Variants in FBXL2 observed in about 807,000 individuals in gnomAD.
The protein encoded by FBXL2 is F-box/LRR-repeat protein 2.
FBXL2 carries 38 observed loss-of-function variants against 69.2 expected under a neutral mutation model. The observed-to-expected ratio is 0.55, with a 90% CI of 0.42 to 0.72. The LOEUF (loss-of-function observed/expected upper bound fraction) is 0.72. Ranked by LOEUF, FBXL2 falls within the 30% of genes least tolerant of loss-of-function variation. FBXL2 has a pLI of 0.00. For synonymous variants in FBXL2, 192 were observed against 201.3 expected (o/e 0.95, Z 0.39); for missense variants, 354 against 520.3 (o/e 0.68, Z 3.11).
intron 9 of FBXL2, among the ~76,000 whole-genome samples, 165 bp downstream of exon 9, chr3:33,374,086 G>GAAC (rs201282119): frequency 3.3e-5 from 5 of 152,010 alleles, no homozygotes; most frequent in Middle Eastern, 3.2e-3. Flanking sequence ...TCACAAGCTG[G>GAAC]AACAACAACA....
At chr3:33,404,813 T>C (rs555894013), downstream of FBXL2, among the ~76,000 whole-genome samples, 3 of 152,294 alleles carry the variant, frequency 2.0e-5, no homozygotes, top group South Asian at 6.2e-4. Context: ...CCTGGGATTT[T>C]TGACAGATGA....
intron 12 of FBXL2, chr3:33,396,216 C>T: frequency 1.3e-6 from 2 of 1,595,322 alleles, no homozygotes; most frequent in Non-Finnish European, 1.7e-6. Context: ...TGCTGCTGCC[C>T]TTGCAGCACT....
chr3:33,285,222 G>A (rs1575589072), intron 1 of FBXL2, among the ~76,000 whole-genome samples: 2 of 152,200 alleles, frequency 1.3e-5, no homozygotes, highest in African/African-American at 2.4e-5. Context: ...AGGAGCTCTT[G>A]TAAGGCAGGC....
chr3:33,412,956 G>T, the FBXL2 span: 2 of 564,380 alleles, frequency 3.5e-6, no homozygotes, highest in Non-Finnish European at 6.4e-6. Flanking sequence ...TAAACATTCT[G>T]TAAGTGAACT....
chr3:33,300,191 A>C (rs1188460330), intron 2 of FBXL2, among the ~76,000 whole-genome samples: 1 of 152,080 alleles, frequency 6.6e-6, no homozygotes, highest in African/African-American at 2.4e-5. Flanking sequence ...CTACTAACTG[A>C]ATGGTTTTTT....
chr3:33,340,958 G>C (rs973209517), intron 2 of FBXL2, among the ~76,000 whole-genome samples: 2 of 149,190 alleles, frequency 1.3e-5, no homozygotes, highest in Admixed American at 6.7e-5. Context: ...TATGCAAACT[G>C]TACTAGTAAG....
intron 12 of FBXL2, among the ~76,000 whole-genome samples, chr3:33,401,847 G>A (rs751594190): frequency 1.3e-5 from 2 of 152,062 alleles, no homozygotes; most frequent in Non-Finnish European, 2.9e-5. Flanking sequence ...TATTCAGACC[G>A]GACTGACTGA....
Position 33,385,670 on chromosome 3 carries a change from C to G in FBXL2, c.*62C>G. The G allele has an allele frequency of 7.7e-7, 1 of 1,302,518 alleles. No homozygotes were observed. Among genetic ancestry groups the G allele is most frequent in the Non-Finnish European group, 1.1e-6 (1 of 899,518 alleles). 80.7% of individuals were successfully genotyped at this position (1,302,518 alleles called of 1,614,324 possible). On this transcript the variant is annotated 3_prime_UTR_variant, in exon 15 of 15. Transcript: ENST00000484457. ...CTTTCCTCTAGAAGACCTGAGTCTT[C>G]CTGACCGACTCCACCATCACCCAAT...
At chr3:33,335,116 T>TAAG (rs1263984384) in intron 2 of FBXL2, among the ~76,000 whole-genome samples, 98 of 144,268 alleles carry the variant, frequency 6.8e-4, no homozygotes, top group African/African-American at 2.1e-3. Flanking sequence ...ATAATAATAA[T>TAAG]AATAAGAAGA....
chr3:33,408,823 C>A, the FBXL2 span: 1 of 1,585,612 alleles, frequency 6.3e-7, no homozygotes. Context: ...AGATTGGGAT[C>A]AATGTCTTTT....
chr3:33,369,056 A>AT (rs200087201), intron 5 of FBXL2, among the ~76,000 whole-genome samples: 12,428 of 142,008 alleles, frequency 0.088, 553 homozygotes, highest in South Asian at 0.12. Flanking sequence ...CTTCTTTTAG[A>AT]TTTTTTTTTT....
At chr3:33,285,453 T>C (rs1445422244) in intron 1 of FBXL2, among the ~76,000 whole-genome samples, 1 of 152,214 alleles carries the variant, frequency 6.6e-6, no homozygotes, top group Non-Finnish European at 1.5e-5. Flanking sequence ...ACCCGACCTT[T>C]CTCTCTGGCT....
intron 2 of FBXL2, among the ~76,000 whole-genome samples, chr3:33,345,979 C>T (rs1228004102): frequency 6.6e-6 from 1 of 152,122 alleles, no homozygotes; most frequent in Admixed American, 6.5e-5. Flanking sequence ...GTAATCCTAG[C>T]ACTTTGGGAG....
At chr3:33,395,409 C>G (rs1288963906) in intron 12 of FBXL2, among the ~76,000 whole-genome samples, 1 of 151,718 alleles carries the variant, frequency 6.6e-6, no homozygotes, top group Non-Finnish European at 1.5e-5. Flanking sequence ...ACCATATATC[C>G]ATACAATAAA....
intron 13 of FBXL2, 79 bp downstream of exon 13, chr3:33,378,820 TTC>T (rs1302153949): frequency 6.2e-7 from 1 of 1,611,992 alleles, no homozygotes; most frequent in Non-Finnish European, 8.5e-7. Context: ...GCTGTTTGGG[TTC>T]TCTTTCTGTA....
intron 13 of FBXL2, among the ~76,000 whole-genome samples, chr3:33,382,319 T>C (rs745554958): frequency 1.3e-5 from 2 of 152,226 alleles, no homozygotes; most frequent in Non-Finnish European, 2.9e-5. Flanking sequence ...GATCAATGCA[T>C]TTCCATAAAC....
Position 33,385,888 on chromosome 3 carries a change from G to A in FBXL2, c.*280G>A. ...GAAACCTGGATCTCTTAAGAGATTG[G>A]TACCTACCTAGGTACGAAAGTTCTA... On this transcript the variant is annotated 3_prime_UTR_variant, in exon 15 of 15. Transcript: ENST00000484457. The A allele has an allele frequency of 2.3e-6, 1 of 443,594 alleles. No individual in the cohort carries two copies. The highest frequency in any genetic ancestry group is 4.1e-6 in the Non-Finnish European group (1 of 244,976). The allele number at this position is 443,594 out of a possible 1,614,324, so 27.5% of individuals were successfully genotyped here.
chr3:33,400,949 G>T, intron 12 of FBXL2: 1 of 1,592,270 alleles, frequency 6.3e-7, no homozygotes, highest in Non-Finnish European at 8.5e-7. Flanking sequence ...AGTTTTAGGA[G>T]AAAGATACTT....
intron 13 of FBXL2, among the ~76,000 whole-genome samples, chr3:33,381,342 A>G (rs938992779): frequency 6.6e-6 from 1 of 152,174 alleles, no homozygotes; most frequent in African/African-American, 2.4e-5. Context: ...GTGTGAATCC[A>G]TATGTAAATA....
Sources: allele counts gnomAD v4.1 joint callset (sites outside exome capture counted in the v4.1 genomes callset), GRCh38; gene constraint gnomAD v4.1.1; transcripts MANE v1.5; gene names NCBI Gene and HGNC (gene_info 2026-07-23, HGNC 2026-07-21).